Variants in LCP2 observed in about 807,000 individuals in gnomAD.
The protein encoded by LCP2 is lymphocyte cytosolic protein 2.
In LCP2, 29 loss-of-function variants were observed where a neutral mutation model predicts 74.5. The ratio of observed to expected loss-of-function variants is 0.39; its 90% CI spans 0.29 to 0.53. The LOEUF (loss-of-function observed/expected upper bound fraction) is 0.53. Among genes scored for constraint, LCP2 ranks in the 20% least tolerant of loss-of-function variants. The pLI, the probability that LCP2 is intolerant of heterozygous loss-of-function variation, is 0.72. For synonymous variants in LCP2, 228 were observed against 229.5 expected (o/e 0.99, Z 0.06); for missense variants, 604 against 634.6 (o/e 0.95, Z 0.52).
intron 2 of LCP2, among the ~76,000 whole-genome samples, chr5:170,289,928 C>G (rs1762260679): frequency 1.3e-5 from 2 of 151,854 alleles, no homozygotes; most frequent in African/African-American, 4.8e-5. Context: ...TTCTGCTCTG[C>G]TGAGACGAGG....
intron 3 of LCP2, 196 bp downstream of exon 3, chr5:170,287,774 G>A (rs1762207973): frequency 9.8e-6 from 6 of 613,964 alleles, no homozygotes; most frequent in Non-Finnish European, 1.8e-5. Flanking sequence ...TCACCAGCTG[G>A]GCTGGATCTG....
At chr5:170,268,064 T>C (rs1761801663) in intron 8 of LCP2, among the ~76,000 whole-genome samples, 1 of 152,068 alleles carries the variant, frequency 6.6e-6, no homozygotes, top group African/African-American at 2.4e-5. Flanking sequence ...GCGCAAGTCT[T>C]TTTGCAGGAG....
chr5:170,282,135 A>G (rs1561975985), intron 3 of LCP2, among the ~76,000 whole-genome samples: 1 of 152,182 alleles, frequency 6.6e-6, no homozygotes, highest in Non-Finnish European at 1.5e-5. Flanking sequence ...CTGCATTTTC[A>G]GGCTGAGAGA....
Position 170,252,465 on chromosome 5 carries a change from T to G in LCP2, c.1292A>C (p.Glu431Ala). 6.3e-7 allele frequency: 1 copy of G among 1,589,684 alleles called. No individual in the cohort carries two copies. The highest frequency in any genetic ancestry group is 1.1e-5 in the South Asian group (1 of 89,044). The change falls in exon 19 of 21, where the codon GAG becomes GCG. Residue 431 changes from glutamate (E) to alanine (A), a missense_variant. By Grantham distance (107) the Glu-to-Ala change is moderately radical (BLOSUM62 -1). Coordinates refer to ENST00000046794, the MANE Select transcript of LCP2 (RefSeq NM_005565.5). ...EWYVSYITRP[E>A]AEAALRKINQ... The stretch of plus-strand genomic sequence containing the variant: ...TATCTTTCTAAGAGCAGCTTCTGCC[T>G]CTGGTCGGGTAATATAAGAAACGTA...
chr5:170,261,786 C>G (rs12651938), intron 13 of LCP2, among the ~76,000 whole-genome samples: 1,682 of 152,296 alleles, frequency 0.011, 30 homozygotes, highest in East Asian at 0.046. Context: ...AATGTCCTCT[C>G]TGGGGAGAAG....
intron 2 of LCP2, among the ~76,000 whole-genome samples, chr5:170,292,060 G>A (rs1762303274): frequency 6.6e-6 from 1 of 152,154 alleles, no homozygotes; most frequent in Non-Finnish European, 1.5e-5. Context: ...CTGCAAATGA[G>A]GTAGTTGGAA....
chr5:170,269,516 G>A (rs1208122857), intron 7 of LCP2, among the ~76,000 whole-genome samples: 1 of 152,192 alleles, frequency 6.6e-6, no homozygotes, highest in Non-Finnish European at 1.5e-5. Flanking sequence ...TGAGCCTCAG[G>A]GCCTTTGCAC....
intron 2 of LCP2, among the ~76,000 whole-genome samples, chr5:170,290,237 GA>G (rs1762266478): frequency 6.6e-6 from 1 of 152,190 alleles, no homozygotes; most frequent in African/African-American, 2.4e-5. Context: ...GTGTTGAGAA[GA>G]GGGGTACAGA....
intron 13 of LCP2, 127 bp from the exon 14 acceptor site, chr5:170,261,264 GC>G (rs1761645308): frequency 1.4e-6 from 1 of 698,272 alleles, no homozygotes; most frequent in Non-Finnish European, 2.6e-6. Flanking sequence ...AAGATGGGAA[GC>G]AACAGACCCC....
intron 17 of LCP2, among the ~76,000 whole-genome samples, chr5:170,254,446 G>C (rs548158773): frequency 1.2e-4 from 19 of 152,230 alleles, no homozygotes; most frequent in African/African-American, 4.6e-4. Context: ...ATTTATGATG[G>C]TCCTTCCCTG....
At chr5:170,290,085 CAG>C (rs1762264395) in intron 2 of LCP2, among the ~76,000 whole-genome samples, 1 of 152,166 alleles carries the variant, frequency 6.6e-6, no homozygotes, top group Non-Finnish European at 1.5e-5. Context: ...GATGTTGAAA[CAG>C]AATTTTTGGA....
At chr5:170,284,217 A>G (rs1241847971) in intron 3 of LCP2, among the ~76,000 whole-genome samples, 5 of 152,200 alleles carry the variant, frequency 3.3e-5, no homozygotes, top group African/African-American at 1.2e-4. Flanking sequence ...AGTAGTTACC[A>G]TTTCTGGCAC....
rs115333105 is a variant in LCP2, at chr5:170,281,662, A to G, written c.189-5802T>C. On this transcript the variant is annotated intron_variant, in intron 3 of 20. Coordinates refer to ENST00000046794, the MANE Select transcript of LCP2 (RefSeq NM_005565.5). ...TCTTCTCTGTCTCAGGTAGAGAAAT[A>G]GGTACAAAGGAGATGCCTCAGTACG... Among the ~76,000 whole-genome samples, 991 of 152,308 alleles carry G rather than the reference A, an allele frequency of 6.5e-3. 8 individuals carry two copies. The highest frequency in any genetic ancestry group is 0.022 in the African/African-American group (917 of 41,560).
At chr5:170,253,753 C>T (rs752972502) in intron 17 of LCP2, among the ~76,000 whole-genome samples, 6 of 152,206 alleles carry the variant, frequency 3.9e-5, no homozygotes, top group Non-Finnish European at 4.4e-5. Context: ...GTTGGCTACC[C>T]GCTGTTCTAA....
intron 2 of LCP2, among the ~76,000 whole-genome samples, chr5:170,289,659 T>TTCTCTCTCTCTCTCTCTC (rs1561978389): frequency 6.2e-5 from 7 of 112,606 alleles, no homozygotes; most frequent in African/African-American, 2.5e-4. Flanking sequence ...CTTTCTTTCT[T>TTCTCTCTCTCTCTCTCTC]TCTTTCTTTC....
chr5:170,250,975 GACAA>G, intron 19 of LCP2, 90 bp from the exon 20 acceptor site: 1 of 1,009,310 alleles, frequency 9.9e-7, no homozygotes, highest in Non-Finnish European at 1.5e-6. Flanking sequence ...CTAGGGATCT[GACAA>G]ACATGTCAGT....
chr5:170,281,489 C>T lies in LCP2; in HGVS notation c.189-5629G>A, dbSNP rs531778006. Among the ~76,000 whole-genome samples, 49 of 152,268 alleles carry T rather than the reference C, an allele frequency of 3.2e-4. No homozygotes were observed. In the South Asian group the frequency reaches 0.01, roughly 32 times the overall value. ...TAGAAACAGCGTTTCACTGTGTTAG[C>T]CAGGATGGTCTCGATCTCCTGACCT... On this transcript the variant is annotated intron_variant, in intron 3 of 20. Transcript: ENST00000046794.
At chr5:170,259,108 A>G (rs1761611161) in intron 14 of LCP2, among the ~76,000 whole-genome samples, 1 of 152,210 alleles carries the variant, frequency 6.6e-6, no homozygotes. Flanking sequence ...GACTCTCCTC[A>G]TATACTCAGC....
At chr5:170,252,319 G>C (rs1761462544) in intron 19 of LCP2, 115 bp downstream of exon 19, 3 of 564,032 alleles carry the variant, frequency 5.3e-6, no homozygotes, top group Non-Finnish European at 9.5e-6. Context: ...AGGTATTACA[G>C]AAAGCAACAG....
Sources: gnomAD v4.1 joint callset for allele counts (sites outside exome capture counted in the v4.1 genomes callset) on GRCh38, gnomAD v4.1.1 for gene constraint, MANE v1.5 for transcripts, NCBI Gene and HGNC (gene_info 2026-07-23, HGNC 2026-07-21) for gene names.